AGFG1: variants seen among roughly 807,000 people sequenced by gnomAD.
The protein encoded by AGFG1 is ArfGAP with FG repeats 1, also known as arf-GAP domain and FG repeat-containing protein 1.
In AGFG1, 10 loss-of-function variants were observed where a neutral mutation model predicts 60.6. The ratio of observed to expected loss-of-function variants is 0.16; its 90% CI spans 0.10 to 0.28. The LOEUF is 0.28. Ranked by LOEUF, AGFG1 falls within the 10% of genes least tolerant of loss-of-function variation. The probability of loss-of-function intolerance (pLI) is 1.00; values close to 1 mark genes in which losing one functional copy is unlikely to be tolerated. For missense variants in AGFG1, 537 were observed against 676.5 expected (o/e 0.79, Z 2.29); for synonymous variants, 247 against 242.9 (o/e 1.02, Z -0.16).
Position 227,554,597 on chromosome 2 carries a change from C to T in AGFG1, c.*102C>T, listed in dbSNP as rs570552845. On this transcript the variant is annotated 3_prime_UTR_variant, in exon 13 of 13. Transcript: ENST00000310078. ...GTTTCACTGATCTTAGCTTTAAACA[C>T]AAGAGAAGTCTTTAAAAAGCCTGCA... 5.0e-6 allele frequency: 5 copies of T among 997,716 alleles called. No individual in the cohort carries two copies. The highest frequency in any genetic ancestry group is 1.7e-5 in the South Asian group (1 of 57,780). 61.8% of individuals were successfully genotyped at this position (997,716 alleles called of 1,614,324 possible).
In AGFG1 at chr2:227,558,574, A is replaced by T. The variant is rs879753029; in HGVS notation, c.*4079A>T. 2.6e-5 allele frequency: 4 copies of T among 152,082 alleles called. No individual in the cohort carries two copies. The highest frequency in any genetic ancestry group is 7.2e-5 in the African/African-American group (3 of 41,400). The allele number at this position is 152,082 out of a possible 1,614,324, so 9.4% of individuals were successfully genotyped here. A position where few individuals can be genotyped will look rare whatever the true frequency, so the allele number is the denominator to read the frequency against. On this transcript the variant is annotated 3_prime_UTR_variant, in exon 13 of 13. Coordinates refer to ENST00000310078, the MANE Select transcript of AGFG1 (RefSeq NM_004504.5). Reference sequence around the variant, plus strand: ...TTTAAAAGGTGATATTAAAATTTGTATTTAACCTGTTGTATTCATCCTCAT... The same window carrying T: ...TTTAAAAGGTGATATTAAAATTTGTTTTTAACCTGTTGTATTCATCCTCAT...
rs554189292 is a variant in AGFG1 at position 227,514,142 on chromosome 2, T to C, written c.262-5806T>C. 1.5e-4 allele frequency among the ~76,000 whole-genome samples: 23 copies of C among 152,326 alleles called. No homozygotes were observed. The East Asian group carries it at 4.4e-3, about 29-fold the overall frequency. ...GACCACCCTTCCCAGTCATTGCTTA[T>C]TTCATCACTCCATAGCCCATCACTG... On this transcript the variant is annotated intron_variant, in intron 2 of 12. Transcript: ENST00000310078.
intron 2 of AGFG1, among the ~76,000 whole-genome samples, chr2:227,517,709 G>A (rs1177541833): frequency 1.3e-5 from 2 of 152,180 alleles, no homozygotes; most frequent in African/African-American, 2.4e-5. Flanking sequence ...TTCCTTCCCT[G>A]ATTTCTTAAA....
At chr2:227,475,972 C>A (rs1288095058) in intron 1 of AGFG1, among the ~76,000 whole-genome samples, 1 of 152,156 alleles carries the variant, frequency 6.6e-6, no homozygotes, top group Non-Finnish European at 1.5e-5. Flanking sequence ...TAGTGACATA[C>A]CTTCTATCAT....
chr2:227,527,370 C>T lies in AGFG1; in HGVS notation c.694+2455C>T, dbSNP rs189027239. 3.3e-4 allele frequency among the ~76,000 whole-genome samples: 51 copies of T among 152,310 alleles called. No homozygotes were observed. In the East Asian group the frequency reaches 9.8e-3, roughly 29 times the overall value. Reference sequence around the variant, plus strand: ...TCATATATATGTACATACGTATACACATATACACTTATGTATGTATGTTTG... The same window carrying T: ...TCATATATATGTACATACGTATACATATATACACTTATGTATGTATGTTTG... On this transcript the variant is annotated intron_variant, in intron 5 of 12. Coordinates refer to ENST00000310078, the MANE Select transcript of AGFG1 (RefSeq NM_004504.5).
chr2:227,521,066 T>C (rs1330609230), intron 3 of AGFG1, among the ~76,000 whole-genome samples: 1 of 63,976 alleles, frequency 1.6e-5, no homozygotes, highest in African/African-American at 7.8e-5. Context: ...ATAGACTACA[T>C]TTTTCTTTTT....
At chr2:227,516,969 A>G (rs1575090428) in intron 2 of AGFG1, among the ~76,000 whole-genome samples, 1 of 152,208 alleles carries the variant, frequency 6.6e-6, no homozygotes, top group African/African-American at 2.4e-5. Flanking sequence ...ATCTTTAAAA[A>G]TCTTAAAGAA....
chr2:227,484,715 T>TTTTG (rs1690574830), intron 1 of AGFG1, among the ~76,000 whole-genome samples: 1 of 120,330 alleles, frequency 8.3e-6, no homozygotes, highest in African/African-American at 3.2e-5. Context: ...TTTTTTTTTT[T>TTTTG]TTTTTTGAGA....
intron 2 of AGFG1, among the ~76,000 whole-genome samples, chr2:227,501,836 G>A (rs578050545): frequency 1.3e-5 from 2 of 152,200 alleles, no homozygotes; most frequent in East Asian, 1.9e-4. Flanking sequence ...AAGTTAAAAT[G>A]TGATTTTTAA....
chr2:227,498,101 T>TTA (rs957136903), intron 2 of AGFG1, among the ~76,000 whole-genome samples: 5 of 152,134 alleles, frequency 3.3e-5, no homozygotes, highest in Admixed American at 6.6e-5. Context: ...AATTGATGTA[T>TTA]TATATAGATG....
intron 10 of AGFG1, among the ~76,000 whole-genome samples, chr2:227,538,857 A>G (rs1440636814): frequency 6.6e-6 from 1 of 152,232 alleles, no homozygotes; most frequent in East Asian, 1.9e-4. Context: ...ATGATATAAG[A>G]TAATTCTAGT....
At chr2:227,537,018 G>GTA (rs774268529) in intron 10 of AGFG1, 25 bp downstream of exon 10, 13 of 1,591,882 alleles carry the variant, frequency 8.2e-6, no homozygotes, top group Non-Finnish European at 1.1e-5. Flanking sequence ...CAGTGGAACA[G>GTA]TAAGTTTTGG....
intron 10 of AGFG1, among the ~76,000 whole-genome samples, chr2:227,541,202 G>A (rs773104004): frequency 1.3e-4 from 20 of 152,146 alleles, no homozygotes; most frequent in Non-Finnish European, 1.9e-4. Context: ...GGTTTAATTA[G>A]ATCTCATTTG....
intron 10 of AGFG1, among the ~76,000 whole-genome samples, chr2:227,546,028 C>T (rs1692636283): frequency 6.6e-6 from 1 of 152,222 alleles, no homozygotes; most frequent in Non-Finnish European, 1.5e-5. Context: ...AGCTGTCAGA[C>T]AGAGACGTTT....
intron 2 of AGFG1, among the ~76,000 whole-genome samples, chr2:227,494,093 T>C (rs1355060124): frequency 6.6e-6 from 1 of 152,354 alleles, no homozygotes; most frequent in East Asian, 1.9e-4. Flanking sequence ...AAAGAACATC[T>C]TAGAACCAAA....
rs117110734 is a variant in AGFG1, at chr2:227,539,665, A to T, written c.1378+2672A>T. On this transcript the variant is annotated intron_variant, in intron 10 of 12. Coordinates refer to ENST00000310078, the MANE Select transcript of AGFG1 (RefSeq NM_004504.5). The stretch of plus-strand genomic sequence containing the variant: ...GAGGCTGAGGTGGGAGGATTACCTG[A>T]GCCTAGGAGGTCGAAATTACAGTGA... Among the ~76,000 whole-genome samples the T allele has an allele frequency of 5.4e-3, 794 of 146,080 alleles. 19 individuals are homozygous for T. The highest frequency in any genetic ancestry group is 0.044 in the Admixed American group (629 of 14,160).
Position 227,492,976 on chromosome 2 carries a change from G to A in AGFG1, c.261+1336G>A, listed in dbSNP as rs186747792. Among the ~76,000 whole-genome samples the A allele has an allele frequency of 4.2e-3, 638 of 152,190 alleles. 2 individuals are homozygous for A. Among genetic ancestry groups the A allele is most frequent in the Non-Finnish European group, 6.7e-3 (456 of 67,968 alleles). The stretch of plus-strand genomic sequence containing the variant: ...TTAGTGTGCAAAATTTTGGAAATTA[G>A]AATGGAATCAGAAATAAAGAATATT... On this transcript the variant is annotated intron_variant, in intron 2 of 12. Coordinates refer to ENST00000310078, the MANE Select transcript of AGFG1 (RefSeq NM_004504.5).
chr2:227,531,714 T>A (rs1340031139), intron 6 of AGFG1, among the ~76,000 whole-genome samples: 1 of 151,994 alleles, frequency 6.6e-6, no homozygotes, highest in African/African-American at 2.4e-5. Flanking sequence ...ATTACAGGTG[T>A]GAGCCACTGT....
chr2:227,529,920 T>C (rs1692110360), intron 5 of AGFG1, among the ~76,000 whole-genome samples: 1 of 151,930 alleles, frequency 6.6e-6, no homozygotes, highest in Non-Finnish European at 1.5e-5. Context: ...AGTCTTTTTG[T>C]TTATTGTGAA....
Sources: allele counts gnomAD v4.1 joint callset (sites outside exome capture counted in the v4.1 genomes callset), GRCh38; gene constraint gnomAD v4.1.1; transcripts MANE v1.5; gene names NCBI Gene and HGNC (gene_info 2026-07-23, HGNC 2026-07-21).